Variants in TPP2 observed in about 807,000 individuals in gnomAD.
The protein encoded by TPP2 is tripeptidyl peptidase 2.
In TPP2, 34 loss-of-function variants were observed where a neutral mutation model predicts 155.9. That is an observed-to-expected ratio of 0.22 (90% CI 0.17 to 0.29). The LOEUF is 0.29. TPP2 is among the 10% of genes least tolerant of loss of function. The pLI, the probability that TPP2 is intolerant of heterozygous loss-of-function variation, is 1.00. For missense variants in TPP2, 1,028 were observed against 1,522.3 expected, an observed-to-expected ratio of 0.68 and a Z score of 5.40; for synonymous variants, 510 against 529.4, an observed-to-expected ratio of 0.96 and a Z score of 0.50.
At chr13:102,629,190 A>G (rs1476385807) in intron 8 of TPP2, among the ~76,000 whole-genome samples, 3 of 152,210 alleles carry the variant, frequency 2.0e-5, no homozygotes, top group Admixed American at 2.0e-4. Context: ...GGGGATGGAA[A>G]TAGAACCACC....
At position 102,678,442 on chromosome 13, in the gene TPP2, G is replaced by T; in HGVS notation, c.*126G>T. On this transcript the variant is annotated 3_prime_UTR_variant, in exon 30 of 30. Coordinates refer to ENST00000376052, the MANE Select transcript of TPP2 (RefSeq NM_001330588.2). The stretch of plus-strand genomic sequence containing the variant: ...ACTATCCAGTACTGATTATTAAAAT[G>T]ACATGTATTTATCAGAGAATTCACT... 1.4e-6 allele frequency: 1 copy of T among 716,356 alleles called. No homozygotes were observed. The allele number at this position is 716,356 out of a possible 1,614,324, so 44.4% of individuals were successfully genotyped here. A position where few individuals can be genotyped will look rare whatever the true frequency, so the allele number is the denominator to read the frequency against.
chr13:102,648,924 G>A lies in TPP2; in HGVS notation c.2646G>A (p.Glu882=). 1 of 1,595,568 alleles carries A rather than the reference G, an allele frequency of 6.3e-7. No individual in the cohort carries two copies. The highest frequency in any genetic ancestry group is 8.5e-7 in the Non-Finnish European group (1 of 1,174,828). The change falls in exon 22 of 30, where the codon GAG becomes GAA. Residue 882 remains glutamate (E), a synonymous_variant. Transcript: ENST00000376052. ...TTTTTCAGTATTCTTTGAAACTGGAGAAAGGAGATTATACAATTCGACTAC... is the reference window on the plus strand; with the variant it reads ...TTTTTCAGTATTCTTTGAAACTGGAAAAAGGAGATTATACAATTCGACTAC... ...AYPHQYSLKL[E]KGDYTIRLQI...
chr13:102,649,591 A>T, intron 23 of TPP2, 105 bp downstream of exon 23: 1 of 944,198 alleles, frequency 1.1e-6, no homozygotes. Flanking sequence ...GAGAAGATAT[A>T]CTCTTGGGGA....
chr13:102,644,519 T>G (rs377211151), intron 17 of TPP2, 38 bp from the exon 18 acceptor site: 18 of 1,485,438 alleles, frequency 1.2e-5, no homozygotes, highest in Non-Finnish European at 1.6e-5. Flanking sequence ...TTGAGAAAAA[T>G]AAGAAAAGAG....
chr13:102,614,850 A>T (rs1264436650), intron 3 of TPP2, among the ~76,000 whole-genome samples: 1 of 152,152 alleles, frequency 6.6e-6, no homozygotes, highest in Admixed American at 6.5e-5. Flanking sequence ...GCTATTGAGA[A>T]TTTGAAATAT....
At chr13:102,607,732 A>G in intron 2 of TPP2, 1 of 418,304 alleles carries the variant, frequency 2.4e-6, no homozygotes, top group South Asian at 1.7e-5. Flanking sequence ...GATTACAGGC[A>G]TGCGCCATGA....
At chr13:102,644,512 A>G (rs1382110509) in intron 17 of TPP2, 45 bp from the exon 18 acceptor site, 1 of 1,459,198 alleles carries the variant, frequency 6.9e-7, no homozygotes, top group Admixed American at 1.9e-5. Context: ...CTGTAATTTG[A>G]GAAAAATAAG....
chr13:102,674,664 A>G (rs1332698043), intron 28 of TPP2, among the ~76,000 whole-genome samples, 174 bp downstream of exon 28: 1 of 152,226 alleles, frequency 6.6e-6, no homozygotes, highest in Non-Finnish European at 1.5e-5. Flanking sequence ...TTTTTAAAAA[A>G]CATTATTTTA....
At chr13:102,610,346 A>G (rs1468822061) in intron 2 of TPP2, among the ~76,000 whole-genome samples, 1 of 151,962 alleles carries the variant, frequency 6.6e-6, no homozygotes, top group Non-Finnish European at 1.5e-5. Context: ...TTCCTGCCTC[A>G]GCCTCCCAAG....
At chr13:102,673,098 G>A (rs1036405515) in intron 27 of TPP2, among the ~76,000 whole-genome samples, 2 of 152,116 alleles carry the variant, frequency 1.3e-5, no homozygotes, top group African/African-American at 4.8e-5. Context: ...AGAATACCCC[G>A]GTCTTGGGCA....
chr13:102,637,427 A>G (rs1400504422), intron 14 of TPP2, among the ~76,000 whole-genome samples, 188 bp downstream of exon 14: 2 of 152,238 alleles, frequency 1.3e-5, no homozygotes, highest in East Asian at 1.9e-4. Context: ...CTAAAGAATC[A>G]TATTTTGTCC....
chr13:102,669,798 A>G (rs1884849464), intron 27 of TPP2, among the ~76,000 whole-genome samples: 1 of 152,152 alleles, frequency 6.6e-6, no homozygotes, highest in Admixed American at 6.5e-5. Context: ...CTGCTTGATC[A>G]TTGCCATAAG....
At chr13:102,667,912 C>G (rs1884713193) in intron 27 of TPP2, 1 of 750,484 alleles carries the variant, frequency 1.3e-6, no homozygotes. Context: ...GGCTAGGGGA[C>G]TGCCAGCACT....
At chr13:102,646,243 T>C (rs1883092369) in intron 19 of TPP2, 51 bp from the exon 20 acceptor site, 1 of 1,464,948 alleles carries the variant, frequency 6.8e-7, no homozygotes, top group Non-Finnish European at 9.4e-7. Context: ...TTTATTTGTC[T>C]CATTCAATGA....
In TPP2 at chr13:102,644,966, C is replaced by G. The variant is rs1407623278; in HGVS notation, c.2350C>G (p.Leu784Val). The G allele has an allele frequency of 6.2e-7, 1 of 1,614,074 alleles. No individual in the cohort carries two copies. The highest frequency in any genetic ancestry group is 1.7e-5 in the Admixed American group (1 of 60,000). Residue 784 changes from leucine (L) to valine (V), a missense_variant, in exon 19 of 30, where the codon CTG becomes GTG. Coordinates refer to ENST00000376052, the MANE Select transcript of TPP2 (RefSeq NM_001330588.2). Reference protein sequence around the residue: ...DVQSSLKYEDLAPCITLKNWV... With the variant: ...DVQSSLKYEDVAPCITLKNWV... Reference sequence around the variant, plus strand: ...TCAGTCCTCCTTGAAATACGAAGATCTGGCTCCCTGCATAACTTTGAAGAA... The same window carrying G: ...TCAGTCCTCCTTGAAATACGAAGATGTGGCTCCCTGCATAACTTTGAAGAA...
chr13:102,606,464 G>C (rs1365270404), intron 2 of TPP2, among the ~76,000 whole-genome samples: 4 of 152,140 alleles, frequency 2.6e-5, no homozygotes, highest in Non-Finnish European at 1.5e-5. Flanking sequence ...TGAGGCTCAG[G>C]CTTCTTTTCC....
chr13:102,663,106 A>AT (rs1263336694), intron 25 of TPP2, among the ~76,000 whole-genome samples: 1 of 139,512 alleles, frequency 7.2e-6, no homozygotes, highest in Admixed American at 7.1e-5. Flanking sequence ...AATTGGAATA[A>AT]TTTTCAGTTT....
chr13:102,665,598 G>T (rs945364327), intron 27 of TPP2, among the ~76,000 whole-genome samples: 2 of 152,118 alleles, frequency 1.3e-5, no homozygotes, highest in Admixed American at 6.6e-5. Context: ...CTGCCATTTG[G>T]TCACTTTCAC....
At chr13:102,665,610 C>A (rs1298632766) in intron 27 of TPP2, among the ~76,000 whole-genome samples, 1 of 152,154 alleles carries the variant, frequency 6.6e-6, no homozygotes, top group Non-Finnish European at 1.5e-5. Context: ...CACTTTCACC[C>A]TTCCATGAAC....
Sources: allele counts gnomAD v4.1 joint callset (sites outside exome capture counted in the v4.1 genomes callset), GRCh38; gene constraint gnomAD v4.1.1; transcripts MANE v1.5; gene names NCBI Gene and HGNC (gene_info 2026-07-23, HGNC 2026-07-21).